The following STPG2 variants were observed in gnomAD, a reference collection of about 807,000 sequenced individuals.
The protein encoded by STPG2 is sperm tail PG-rich repeat containing 2, also known as sperm-tail PG-rich repeat-containing protein 2.
A neutral mutation model predicts 54.2 loss-of-function variants in STPG2; 56 were observed. The ratio of observed to expected loss-of-function variants is 1.03; its 90% CI spans 0.83 to 1.29. The LOEUF (loss-of-function observed/expected upper bound fraction) is 1.29, where lower values mean the gene tolerates loss of function less well. Among genes scored for constraint, STPG2 ranks in the 50% most tolerant of loss-of-function variants. STPG2 has a pLI of 0.00. For synonymous variants in STPG2, 200 were observed against 181.8 expected (o/e 1.10, Z -0.81); for missense variants, 596 against 544.9 (o/e 1.09, Z -0.93).
chr4:98,004,956 A>G (rs1434188593), intron 5 of STPG2, among the ~76,000 whole-genome samples: 1 of 121,776 alleles, frequency 8.2e-6, no homozygotes, highest in Non-Finnish European at 1.8e-5. Context: ...TCTGTTGACT[A>G]TTTTCTTTGC....
At chr4:98,051,020 A>G (rs1384641178) in intron 5 of STPG2, among the ~76,000 whole-genome samples, 2 of 151,706 alleles carry the variant, frequency 1.3e-5, no homozygotes, top group Non-Finnish European at 1.5e-5. Flanking sequence ...AAAGAAAAAA[A>G]AAAAGGAAAA....
At chr4:97,816,378 T>C (rs507702) in intron 9 of STPG2, among the ~76,000 whole-genome samples, 24,451 of 152,056 alleles carry the variant, frequency 0.16, 2,126 homozygotes, top group East Asian at 0.36. Context: ...TGATTTATAA[T>C]CCTTTGGGTA....
Position 97,904,006 on chromosome 4 carries a change from A to G in STPG2, c.1044+39891T>C, listed in dbSNP as rs560093579. 3.9e-5 allele frequency among the ~76,000 whole-genome samples: 6 copies of G among 152,318 alleles called. No individual in the cohort carries two copies. In the South Asian group the frequency reaches 8.3e-4, roughly 21 times the overall value. ...GCAGTCTGAGATCAAACTGCAAGGCAGCAGCGAGGCTGGGGGAGGGGCGCC... is the reference window on the plus strand; with the variant it reads ...GCAGTCTGAGATCAAACTGCAAGGCGGCAGCGAGGCTGGGGGAGGGGCGCC... On this transcript the variant is annotated intron_variant, in intron 8 of 10. Transcript: ENST00000295268.
chr4:97,718,362 G>T (rs1003191435), intron 9 of STPG2, among the ~76,000 whole-genome samples: 2 of 151,896 alleles, frequency 1.3e-5, no homozygotes, highest in Admixed American at 1.3e-4. Flanking sequence ...AAAATTGTAA[G>T]GTTTCTAAAT....
intron 8 of STPG2, among the ~76,000 whole-genome samples, chr4:97,845,356 A>G (rs1728917396): frequency 6.6e-6 from 1 of 151,866 alleles, no homozygotes; most frequent in Non-Finnish European, 1.5e-5. Flanking sequence ...GCCATTTCTC[A>G]TTTTTTCTTA....
At chr4:97,967,018 T>C (rs111689868) in intron 7 of STPG2, among the ~76,000 whole-genome samples, 3 of 152,118 alleles carry the variant, frequency 2.0e-5, no homozygotes, top group African/African-American at 7.2e-5. Flanking sequence ...CATAGTAACC[T>C]TAAATGTAAA....
chr4:97,953,777 T>C (rs1733560996), intron 7 of STPG2, among the ~76,000 whole-genome samples: 1 of 152,174 alleles, frequency 6.6e-6, no homozygotes, highest in Non-Finnish European at 1.5e-5. Flanking sequence ...GAGGAAGAAG[T>C]TTTTCACATG....
At chr4:97,933,359 T>C (rs1191039879) in intron 8 of STPG2, among the ~76,000 whole-genome samples, 4 of 152,178 alleles carry the variant, frequency 2.6e-5, no homozygotes, top group Non-Finnish European at 5.9e-5. Context: ...CAGAAGCTCT[T>C]TAGTTTAATT....
At chr4:97,518,595 T>C (rs565033339) in intron 4 of STPG2, among the ~76,000 whole-genome samples, 14 of 152,246 alleles carry the variant, frequency 9.2e-5, no homozygotes, top group Middle Eastern at 6.8e-3. Flanking sequence ...ATAAATTTTT[T>C]ATGAAAAATA....
chr4:97,963,973 CA>C (rs1164781662), intron 7 of STPG2, among the ~76,000 whole-genome samples: 4 of 152,046 alleles, frequency 2.6e-5, no homozygotes, highest in Non-Finnish European at 5.9e-5. Flanking sequence ...AGGAGGCTAT[CA>C]GATGCACCAC....
chr4:97,786,317 A>G (rs1291046212), intron 9 of STPG2, among the ~76,000 whole-genome samples: 3 of 151,836 alleles, frequency 2.0e-5, no homozygotes, highest in Non-Finnish European at 4.4e-5. Flanking sequence ...CAATTAATTT[A>G]CTTTCTTAAT....
intron 1 of STPG2, among the ~76,000 whole-genome samples, 183 bp from the exon 2 acceptor site, chr4:98,134,642 T>C (rs893981892): frequency 3.0e-4 from 45 of 151,062 alleles, no homozygotes; most frequent in Admixed American, 5.3e-4. Flanking sequence ...TTTTTATTAA[T>C]ATATTAAATA....
At chr4:98,042,646 T>C (rs989895510) in intron 5 of STPG2, among the ~76,000 whole-genome samples, 9 of 152,042 alleles carry the variant, frequency 5.9e-5, no homozygotes, top group Non-Finnish European at 1.0e-4. Context: ...ACTTCTCTTT[T>C]AATTCAATAT....
chr4:97,739,230 T>G (rs1318639084), intron 9 of STPG2, among the ~76,000 whole-genome samples: 7 of 151,616 alleles, frequency 4.6e-5, no homozygotes, highest in Non-Finnish European at 1.0e-4. Context: ...AGAGAGAAAT[T>G]TATAGTACTA....
chr4:97,831,639 G>A (rs569638715), intron 9 of STPG2, among the ~76,000 whole-genome samples: 2 of 151,914 alleles, frequency 1.3e-5, no homozygotes, highest in African/African-American at 4.8e-5. Flanking sequence ...TAATAAAGAA[G>A]AAAAGAGAGA....
At chr4:98,067,461 T>C (rs1446962525) in intron 5 of STPG2, among the ~76,000 whole-genome samples, 1 of 152,184 alleles carries the variant, frequency 6.6e-6, no homozygotes, top group Admixed American at 6.6e-5. Context: ...TTTTGAACAG[T>C]ATTGCTGATT....
Position 97,972,371 on chromosome 4 carries a change from T to C in STPG2, c.842A>G (p.Gln281Arg). The C allele has an allele frequency of 6.2e-7, 1 of 1,610,174 alleles. No homozygotes were observed. Among genetic ancestry groups the C allele is most frequent in the Middle Eastern group, 1.7e-4 (1 of 6,054 alleles). Residue 281 changes from glutamine to arginine, a missense_variant, in exon 7 of 11, where the codon CAG becomes CGG. By Grantham distance (43) the Gln-to-Arg change is conservative. Coordinates refer to ENST00000295268, the MANE Select transcript of STPG2 (RefSeq NM_174952.3). ...AGAAGAACCAAATGCACTTTTCTTC[T>C]GTTTCTTTGAGCAGATATTTCTAAC... is the stretch of plus-strand genomic sequence containing the variant. Reference protein sequence around the residue: ...ASVRNICSKKQKKSAFGSSVP... With the variant: ...ASVRNICSKKRKKSAFGSSVP...
At chr4:97,500,641 G>A (rs977364463) in intron 4 of STPG2, among the ~76,000 whole-genome samples, 2 of 152,068 alleles carry the variant, frequency 1.3e-5, no homozygotes, top group Admixed American at 1.3e-4. Context: ...ACTGAAAATG[G>A]CTGGTCAGTG....
chr4:97,488,936 T>C (rs976232589), intron 4 of STPG2, among the ~76,000 whole-genome samples: 2 of 151,688 alleles, frequency 1.3e-5, no homozygotes, highest in Admixed American at 6.6e-5. Flanking sequence ...GATGGTGACA[T>C]TGTTTCCCTG....
Sources: gnomAD v4.1 joint callset for allele counts (sites outside exome capture counted in the v4.1 genomes callset) on GRCh38, gnomAD v4.1.1 for gene constraint, MANE v1.5 for transcripts, NCBI Gene and HGNC (gene_info 2026-07-23, HGNC 2026-07-21) for gene names.